OR10A3: variants seen among roughly 807,000 people sequenced by gnomAD.
OR10A3 encodes the protein olfactory receptor family 10 subfamily A member 3, also known as olfactory receptor 10A3.
A neutral mutation model predicts 1.5 loss-of-function variants in OR10A3; 1 was observed. That is an observed-to-expected ratio of 0.66 (90% confidence interval 0.23 to 3.11). The LOEUF (loss-of-function observed/expected upper bound fraction) is 3.11, where lower values mean the gene tolerates loss of function less well. Among genes scored for constraint, OR10A3 ranks in the 30% most tolerant of loss-of-function variants. OR10A3 has a pLI of 0.21. For synonymous variants in OR10A3, 145 were observed against 143.7 expected (o/e 1.01, Z -0.06); for missense variants, 398 against 369.7 (o/e 1.08, Z -0.63).
chr11:7,938,482 T>C lies in OR10A3; in HGVS notation c.*94A>G, dbSNP rs1169597847. ...AAAAAAACTCAACAAACTTACATAG[T>C]CATACAAAAAATGCAGTCTGTTTTC... On this transcript the variant is annotated 3_prime_UTR_variant, in exon 2 of 2. Coordinates refer to ENST00000642047, the MANE Select transcript of OR10A3 (RefSeq NM_001003745.2). 20 of 942,566 alleles carry C rather than the reference T, an allele frequency of 2.1e-5. No homozygotes were observed. The highest frequency in any genetic ancestry group is 2.7e-5 in the Non-Finnish European group (17 of 634,932). The allele number at this position is 942,566 out of a possible 1,614,324, so 58.4% of individuals were successfully genotyped here.
chr11:7,941,708 G>T lies in OR10A3; in HGVS notation c.-300C>A, dbSNP rs906656864. 1 of 152,098 alleles carries T rather than the reference G, an allele frequency of 6.6e-6. No homozygotes were observed. The highest frequency in any genetic ancestry group is 1.5e-5 in the Non-Finnish European group (1 of 68,006). 9.4% of individuals were successfully genotyped at this position (152,098 alleles called of 1,614,324 possible). A position where few individuals can be genotyped will look rare whatever the true frequency, so the allele number is the denominator to read the frequency against. ...AGATCCTTATCTATTCACTGTCCCT[G>T]ATTTTCATCCCATTTATGTTTTACC... On this transcript the variant is annotated 5_prime_UTR_variant, in exon 1 of 2. Coordinates refer to ENST00000642047, the MANE Select transcript of OR10A3 (RefSeq NM_001003745.2).
rs758347077 is a variant in OR10A3 at position 7,939,364 on chromosome 11, G to T, written c.157C>A (p.Gln53Lys). The change falls in exon 2 of 2, where the codon CAG (glutamine) becomes AAG (lysine). Residue 53 changes from glutamine to lysine, a missense_variant. Physicochemically the swap from Gln to Lys is moderately conservative, Grantham distance 53. Coordinates refer to ENST00000642047, the MANE Select transcript of OR10A3 (RefSeq NM_001003745.2). ...AIITVIISLN[Q>K]SLHVPMYLFL... ...AGGTACATGGGAACGTGGAGGCTCT[G>T]GTTTAAGGAGATGATGACTGTAATG... 2 of 1,614,138 alleles carry T rather than the reference G, an allele frequency of 1.2e-6. No homozygotes were observed. Among genetic ancestry groups the T allele is most frequent in the East Asian group, 2.2e-5 (1 of 44,878 alleles).
chr11:7,940,205 C>A (rs11041679), intron 1 of OR10A3, among the ~76,000 whole-genome samples: 49,743 of 152,014 alleles, frequency 0.33, 8,431 homozygotes, highest in Admixed American at 0.39. Flanking sequence ...GGTGGGTGGG[C>A]ACATAGGCAG....
In OR10A3 at chr11:7,939,211, T is replaced by A; in HGVS notation, c.310A>T (p.Ile104Phe). Residue 104 changes from isoleucine to phenylalanine, a missense_variant, in exon 2 of 2, where the codon ATC (isoleucine) becomes TTC (phenylalanine). Coordinates refer to ENST00000642047, the MANE Select transcript of OR10A3 (RefSeq NM_001003745.2). Reference sequence around the variant, plus strand: ...CATTCAGTCCCACCAAAAAGAAGGATGAAATACATCTGTGCAAAACAGCCC... The same window carrying A: ...CATTCAGTCCCACCAAAAAGAAGGAAGAAATACATCTGTGCAAAACAGCCC... ...FVGCFAQMYFILLFGGTECFL... is the reference protein window; with the variant it reads ...FVGCFAQMYFFLLFGGTECFL... The A allele has an allele frequency of 1.2e-6, 2 of 1,614,140 alleles. No homozygotes were observed. Among genetic ancestry groups the A allele is most frequent in the Non-Finnish European group, 1.7e-6 (2 of 1,180,024 alleles).
Position 7,938,650 on chromosome 11 carries a change from T to A in OR10A3, c.871A>T (p.Ser291Cys). 2 of 1,614,182 alleles carry A rather than the reference T, an allele frequency of 1.2e-6. No homozygotes were observed. The highest frequency in any genetic ancestry group is 1.7e-6 in the Non-Finnish European group (2 of 1,180,036). ...LTPLLNPLIY[S>C]LRNSEMKRTL... ...CTCTTCATCTCACTGTTTCGTAAGC[T>A]ATAGATGAGCGGATTGAGCAGAGGG... Residue 291 changes from serine to cysteine, a missense_variant, in exon 2 of 2, where the codon AGC (serine) becomes TGC (cysteine). Ser to Cys is a moderately radical substitution (Grantham distance 112). Coordinates refer to ENST00000642047, the MANE Select transcript of OR10A3 (RefSeq NM_001003745.2).
Position 7,939,334 on chromosome 11 carries a change from G to A in OR10A3, c.187C>T (p.Leu63Phe), listed in dbSNP as rs1941404902. The A allele has an allele frequency of 6.2e-7, 1 of 1,614,012 alleles. No individual in the cohort carries two copies. The highest frequency in any genetic ancestry group is 8.5e-7 in the Non-Finnish European group (1 of 1,180,006). ...ACCTCCACCACAGATAGGTTCAGGAGGAACAGGTACATGGGAACGTGGAGG... is the reference window on the plus strand; with the variant it reads ...ACCTCCACCACAGATAGGTTCAGGAAGAACAGGTACATGGGAACGTGGAGG... ...QSLHVPMYLF[L>F]LNLSVVEVSF... Residue 63 changes from leucine (L) to phenylalanine (F), a missense_variant, in exon 2 of 2, where the codon CTC becomes TTC. Coordinates refer to ENST00000642047, the MANE Select transcript of OR10A3 (RefSeq NM_001003745.2).
In OR10A3 at chr11:7,938,688, T is replaced by C. The variant is rs375395948; in HGVS notation, c.833A>G (p.Tyr278Cys). 1 of 1,614,196 alleles carries C rather than the reference T, an allele frequency of 6.2e-7. No individual in the cohort carries two copies. The highest frequency in any genetic ancestry group is 8.5e-7 in the Non-Finnish European group (1 of 1,180,032). Residue 278 changes from tyrosine (Y) to cysteine (C), a missense_variant, in exon 2 of 2, where the codon TAC (tyrosine) becomes TGC (cysteine). By Grantham distance (194) the Tyr-to-Cys change is radical. Transcript: ENST00000642047. ...PETKKLISLA[Y>C]TLLTPLLNPL... The stretch of plus-strand genomic sequence containing the variant: ...ATTGAGCAGAGGGGTAAGCAACGTG[T>C]AAGCCAATGAGATCAGTTTCTTGGT...
Position 7,939,550 on chromosome 11 carries a change from T to C in OR10A3, c.-30A>G, listed in dbSNP as rs1178113501. 9 of 1,493,882 alleles carry C rather than the reference T, an allele frequency of 6.0e-6. No individual in the cohort carries two copies. Among genetic ancestry groups the C allele is most frequent in the Non-Finnish European group, 8.1e-6 (9 of 1,110,462 alleles). The allele number at this position is 1,493,882 out of a possible 1,614,324, so 92.5% of individuals were successfully genotyped here. On this transcript the variant is annotated 5_prime_UTR_variant, in exon 2 of 2. Transcript: ENST00000642047. The stretch of plus-strand genomic sequence containing the variant: ...GTAGTTGAAACTTATATTGTTTTTA[T>C]GGACCTGGTATATCGAGTATGAAGT...
chr11:7,938,626 T>C lies in OR10A3; in HGVS notation c.895A>G (p.Arg299Gly), dbSNP rs1218621958. 1.2e-6 allele frequency: 2 copies of C among 1,613,760 alleles called. No homozygotes were observed. The highest frequency in any genetic ancestry group is 1.7e-6 in the Non-Finnish European group (2 of 1,179,998). ...IYSLRNSEMKRTLIKLWRRKV... is the reference protein window; with the variant it reads ...IYSLRNSEMKGTLIKLWRRKV... ...CTTCGCCATAGTTTTATCAAAGTCCTCTTCATCTCACTGTTTCGTAAGCTA... is the reference window on the plus strand; with the variant it reads ...CTTCGCCATAGTTTTATCAAAGTCCCCTTCATCTCACTGTTTCGTAAGCTA... The change falls in exon 2 of 2, where the codon AGG becomes GGG. Residue 299 changes from arginine to glycine, a missense_variant. Arg to Gly is a moderately radical substitution (Grantham distance 125). Transcript: ENST00000642047.
At chr11:7,940,571 T>A (rs977650050) in intron 1 of OR10A3, among the ~76,000 whole-genome samples, 1 of 151,746 alleles carries the variant, frequency 6.6e-6, no homozygotes, top group Admixed American at 6.6e-5. Flanking sequence ...GACAAAATAA[T>A]ATCACCCTCC....
Position 7,939,457 on chromosome 11 carries a change from C to T in OR10A3, c.64G>A (p.Glu22Lys). ...ACCCCAAAGAGCTGCACCTGGAGCT[C>T]AGGAAAGTTAGAAAAGCCCAGGAGG... is the stretch of plus-strand genomic sequence containing the variant. ...FILLGFSNFP[E>K]LQVQLFGVFL... is the part of the protein sequence containing the mutation. Residue 22 changes from glutamate to lysine, a missense_variant, in exon 2 of 2, where the codon GAG becomes AAG. Transcript: ENST00000642047. 6.3e-7 allele frequency: 1 copy of T among 1,596,506 alleles called. No homozygotes were observed.
rs1941404064 is a variant in OR10A3, at chr11:7,939,289, T to C, written c.232A>G (p.Thr78Ala). ...GAGAGCACCACCAGCATTTCAGGCG[T>C]AATGACTGCACTGAAACTCACCTCC... ...VVEVSFSAVITPEMLVVLSTE... is the reference protein window; with the variant it reads ...VVEVSFSAVIAPEMLVVLSTE... The change falls in exon 2 of 2, where the codon ACG becomes GCG. Residue 78 changes from threonine to alanine, a missense_variant. Physicochemically the swap from Thr to Ala is moderately conservative, Grantham distance 58 (BLOSUM62 0). Coordinates refer to ENST00000642047, the MANE Select transcript of OR10A3 (RefSeq NM_001003745.2). The C allele has an allele frequency of 6.2e-7, 1 of 1,614,088 alleles. No individual in the cohort carries two copies. The highest frequency in any genetic ancestry group is 1.3e-5 in the African/African-American group (1 of 75,026).
Position 7,938,975 on chromosome 11 carries a change from G to C in OR10A3, c.546C>G (p.Pro182=), listed in dbSNP as rs756324131. 5 of 1,614,150 alleles carry C rather than the reference G, an allele frequency of 3.1e-6. No homozygotes were observed. The highest frequency in any genetic ancestry group is 4.2e-6 in the Non-Finnish European group (5 of 1,180,020). Residue 182 remains proline, a synonymous_variant, in exon 2 of 2, where the codon CCC becomes CCG. Coordinates refer to ENST00000642047, the MANE Select transcript of OR10A3 (RefSeq NM_001003745.2). ...NEINHLFCET[P]PVLELVCADT... ...CTGCACACACAAGCTCTAGTACCGG[G>C]GGAGTCTCACAGAAGAGATGATTAA...
At chr11:7,940,422 C>A (rs1452486027) in intron 1 of OR10A3, among the ~76,000 whole-genome samples, 1 of 152,130 alleles carries the variant, frequency 6.6e-6, no homozygotes, top group Non-Finnish European at 1.5e-5. Flanking sequence ...TCCTCCTGGC[C>A]TCACGAGTCC....
In OR10A3 at chr11:7,938,387, A is replaced by G; in HGVS notation, c.*189T>C. On this transcript the variant is annotated 3_prime_UTR_variant, in exon 2 of 2. Transcript: ENST00000642047. ...AAATGGATGAATAAACTGTTGTGTC[A>G]TGTTATGAGAACATATGTATCTACT... is the stretch of plus-strand genomic sequence containing the variant. The G allele has an allele frequency of 1.8e-6, 1 of 542,856 alleles. No individual in the cohort carries two copies. The highest frequency in any genetic ancestry group is 1.9e-5 in the African/African-American group (1 of 52,720). The allele number at this position is 542,856 out of a possible 1,614,324, so 33.6% of individuals were successfully genotyped here.
chr11:7,940,957 A>G (rs1941434038), intron 1 of OR10A3, among the ~76,000 whole-genome samples: 2 of 152,180 alleles, frequency 1.3e-5, no homozygotes, highest in African/African-American at 2.4e-5. Context: ...TCTTGATTTC[A>G]TATCATTAGG....
At position 7,938,850 on chromosome 11, in the gene OR10A3, G is replaced by C; in HGVS notation, c.671C>G (p.Ala224Gly). Residue 224 changes from alanine (A) to glycine (G), a missense_variant, in exon 2 of 2, where the codon GCC (alanine) becomes GGC (glycine). Transcript: ENST00000642047. The part of the protein sequence containing the change: ...ILLSYIRVLF[A>G]ILKMPSTTGR... ...AGTAGTTGATGGCATCTTCAGGATG[G>C]CAAACAGAACTCGAATGTAAGACAA... The C allele has an allele frequency of 6.2e-7, 1 of 1,614,184 alleles. No individual in the cohort carries two copies. The highest frequency in any genetic ancestry group is 8.5e-7 in the Non-Finnish European group (1 of 1,180,040).
Position 7,939,649 on chromosome 11 carries a change from A to T in OR10A3, c.-129T>A. 1 of 654,928 alleles carries T rather than the reference A, an allele frequency of 1.5e-6. No individual in the cohort carries two copies. Among genetic ancestry groups the T allele is most frequent in the South Asian group, 2.9e-5 (1 of 34,206 alleles). The allele number at this position is 654,928 out of a possible 1,614,324, so 40.6% of individuals were successfully genotyped here. ...GTAATGACAAGCTCATTTTGACAGA[A>T]CTTCAGGTTGGCACTTTTGAAGAAT... On this transcript the variant is annotated 5_prime_UTR_variant, in exon 2 of 2. Transcript: ENST00000642047.
Position 7,938,687 on chromosome 11 carries a change from G to A in OR10A3, c.834C>T (p.Tyr278=). The A allele has an allele frequency of 1.2e-6, 2 of 1,614,186 alleles. No homozygotes were observed. The highest frequency in any genetic ancestry group is 1.3e-5 in the African/African-American group (1 of 75,046). Residue 278 remains tyrosine (Y), a synonymous_variant, in exon 2 of 2, where the codon TAC becomes TAT. Transcript: ENST00000642047. ...PETKKLISLA[Y]TLLTPLLNPL... Reference sequence around the variant, plus strand: ...GATTGAGCAGAGGGGTAAGCAACGTGTAAGCCAATGAGATCAGTTTCTTGG... The same window carrying A: ...GATTGAGCAGAGGGGTAAGCAACGTATAAGCCAATGAGATCAGTTTCTTGG...
Sources: allele counts gnomAD v4.1 joint callset (sites outside exome capture counted in the v4.1 genomes callset), GRCh38; gene constraint gnomAD v4.1.1; transcripts MANE v1.5; gene names NCBI Gene and HGNC (gene_info 2026-07-23, HGNC 2026-07-21).